MAST3: variants seen among roughly 807,000 people sequenced by gnomAD.
MAST3 encodes the protein microtubule-associated serine/threonine-protein kinase 3.
A neutral mutation model predicts 127.0 loss-of-function variants in MAST3; 43 were observed. The observed-to-expected ratio is 0.34, with a 90% CI of 0.27 to 0.44. The LOEUF is 0.44. Ranked by LOEUF, MAST3 falls within the 20% of genes least tolerant of loss-of-function variation. MAST3 has a pLI of 1.00. For synonymous variants in MAST3, 785 were observed against 809.2 expected (o/e 0.97, Z 0.51); for missense variants, 1,390 against 1,919.1 (o/e 0.72, Z 5.15).
In MAST3 at chr19:18,124,109, C is replaced by T. The variant is rs189142718; in HGVS notation, c.804C>T (p.Phe268=). ...AGAACCTCGTCACCTCCCGCTACTT[C>T]CTAGAGATGCAGGAGAAGCTGGAGC... ...SGENLVTSRY[F]LEMQEKLERL... The change falls in exon 9 of 28, where the codon TTC becomes TTT. Residue 268 remains phenylalanine (F), a synonymous_variant. Transcript: ENST00000687212. 2 of 1,611,792 alleles carry T rather than the reference C, an allele frequency of 1.2e-6. No individual in the cohort carries two copies. The highest frequency in any genetic ancestry group is 1.7e-6 in the Non-Finnish European group (2 of 1,179,084).
In MAST3 at chr19:18,147,008, C is replaced by T. The variant is rs751421866; in HGVS notation, c.3290C>T (p.Thr1097Ile). ...AGCAAGAGGAGCCGTCGGCGGGAGACCCAGGATCGGTGCGCGGCAGTGACC... is the reference window on the plus strand; with the variant it reads ...AGCAAGAGGAGCCGTCGGCGGGAGATCCAGGATCGGTGCGCGGCAGTGACC... ...RRSKRSRRRE[T>I]QDRCAAVTTR... The change falls in exon 26 of 28, where the codon ACC becomes ATC. Residue 1097 changes from threonine (T) to isoleucine (I), a missense_variant. This residue lies in a region of MAST3 where 816 missense variants were observed against 934.1 expected (regional missense o/e 0.87). Transcript: ENST00000687212. 1 of 1,575,500 alleles carries T rather than the reference C, an allele frequency of 6.3e-7. No homozygotes were observed. Among genetic ancestry groups the T allele is most frequent in the East Asian group, 2.3e-5 (1 of 43,192 alleles).
intron 20 of MAST3, 24 bp downstream of exon 20, chr19:18,139,148 C>A: frequency 6.7e-7 from 1 of 1,493,946 alleles, no homozygotes; most frequent in Non-Finnish European, 9.2e-7. Context: ...CCGAGGGGAG[C>A]CACTGCTCAG....
At chr19:18,107,443 G>A in intron 1 of MAST3, 144 bp from the exon 2 acceptor site, 2 of 858,804 alleles carry the variant, frequency 2.3e-6, no homozygotes, top group Non-Finnish European at 3.9e-6. Context: ...AAGGCCTTGA[G>A]GCAGGGCTGA....
In MAST3 at chr19:18,137,227, G is replaced by C. The variant is rs565985734; in HGVS notation, c.1973-12G>C. ...GTGAGGACCTGCAGGGCTCAGCGGG[G>C]CATATCTGCAGGTGGCACCCACGAA... On this transcript the variant is annotated splice_polypyrimidine_tract_variant and intron_variant, in intron 18 of 27. Coordinates refer to ENST00000687212, the MANE Select transcript of MAST3 (RefSeq NM_001393504.1). 1 of 1,608,980 alleles carries C rather than the reference G, an allele frequency of 6.2e-7. No homozygotes were observed. The highest frequency in any genetic ancestry group is 1.1e-5 in the South Asian group (1 of 90,408).
intron 17 of MAST3, among the ~76,000 whole-genome samples, 188 bp from the exon 18 acceptor site, chr19:18,135,552 G>A (rs148802080): frequency 6.6e-6 from 1 of 152,166 alleles, no homozygotes; most frequent in African/African-American, 2.4e-5. Flanking sequence ...AAAGAGAAAG[G>A]TGGCTCTGAG....
chr19:18,132,090 C>T, intron 15 of MAST3, 43 bp downstream of exon 15: 1 of 1,607,944 alleles, frequency 6.2e-7, no homozygotes, highest in Non-Finnish European at 8.5e-7. Flanking sequence ...GAGGGCGGGG[C>T]CAGAGAGGAT....
At chr19:18,132,128 C>CAA in intron 15 of MAST3, 81 bp downstream of exon 15, 3 of 1,566,082 alleles carry the variant, frequency 1.9e-6, no homozygotes, top group Non-Finnish European at 2.6e-6. Context: ...AGGATCAGGG[C>CAA]AGAGCCTCTG....
chr19:18,143,870 C>G lies in MAST3; in HGVS notation c.2447C>G (p.Pro816Arg). Residue 816 changes from proline to arginine, a missense_variant, in exon 22 of 28, where the codon CCC (proline) becomes CGC (arginine). Transcript: ENST00000687212. Reference protein sequence around the residue: ...LLNTISLDTMPKFAFSSEDEG... With the variant: ...LLNTISLDTMRKFAFSSEDEG... ...AATACCATCAGCCTGGACACAATGCCCAAGTTTGCCTTCTCATCAGAGGAT... is the reference window on the plus strand; with the variant it reads ...AATACCATCAGCCTGGACACAATGCGCAAGTTTGCCTTCTCATCAGAGGAT... The G allele has an allele frequency of 6.2e-7, 1 of 1,613,956 alleles. No individual in the cohort carries two copies. Among genetic ancestry groups the G allele is most frequent in the Non-Finnish European group, 8.5e-7 (1 of 1,179,900 alleles).
intron 1 of MAST3, 60 bp from the exon 2 acceptor site, chr19:18,107,527 G>A (rs921136054): frequency 1.5e-5 from 24 of 1,555,644 alleles, no homozygotes; most frequent in Admixed American, 6.7e-5. Flanking sequence ...GTGCATCAAC[G>A]GCCAGGGGTT....
intron 2 of MAST3, among the ~76,000 whole-genome samples, chr19:18,109,612 A>C (rs1001372479): frequency 6.6e-6 from 1 of 152,014 alleles, no homozygotes; most frequent in African/African-American, 2.4e-5. Flanking sequence ...AGAGGGAGGA[A>C]GGACAGAGCT....
chr19:18,145,280 C>CCGGT lies in MAST3; in HGVS notation c.3039+53_3039+56dup. The CCGGT allele has an allele frequency of 6.5e-7, 1 of 1,544,372 alleles. No homozygotes were observed. The highest frequency in any genetic ancestry group is 8.9e-7 in the Non-Finnish European group (1 of 1,118,984). ...GACCCGGGTTCTAGTTTGACTCTGC[C>CCGGT]CGGTCATGTCCCTTCTCAGAGCTGC... is the stretch of plus-strand genomic sequence containing the variant. On this transcript the variant is annotated intron_variant, in intron 24 of 27. Transcript: ENST00000687212. The surrounding 1 kb of genome is among the most constrained non-coding windows in gnomAD (Gnocchi z 5.9).
At chr19:18,121,188 T>C (rs932921629) in intron 3 of MAST3, among the ~76,000 whole-genome samples, 4 of 152,032 alleles carry the variant, frequency 2.6e-5, no homozygotes, top group African/African-American at 9.7e-5. Context: ...GAGGGCCTTG[T>C]GCTGTCACCT....
chr19:18,147,668 C>CT, intron 27 of MAST3, 44 bp downstream of exon 27: 1 of 1,392,856 alleles, frequency 7.2e-7, no homozygotes, highest in Non-Finnish European at 9.7e-7. Flanking sequence ...ACCCTGGGAG[C>CT]AAGGGCTGGT....
At chr19:18,129,865 C>T (rs2041062922) in intron 13 of MAST3, among the ~76,000 whole-genome samples, 2 of 145,828 alleles carry the variant, frequency 1.4e-5, no homozygotes, top group African/African-American at 5.1e-5. Flanking sequence ...GCAGAGGTTG[C>T]AGTGAGCCGA....
chr19:18,124,273 G>A lies in MAST3; in HGVS notation c.852G>A (p.Glu284=), dbSNP rs765439786. The change falls in exon 10 of 28, where the codon GAG becomes GAA. Residue 284 remains glutamate, a synonymous_variant. Coordinates refer to ENST00000687212, the MANE Select transcript of MAST3 (RefSeq NM_001393504.1). ...CGACCCACCTCCCCCAGGCCCATGA[G>A]CGTTCGGACAGTGAGGAGGTCAGCT... The part of the protein sequence containing the change: ...KLERLLQDAH[E]RSDSEEVSFI... 2.0e-5 allele frequency: 32 copies of A among 1,606,476 alleles called. No individual in the cohort carries two copies. Among genetic ancestry groups the A allele is most frequent in the Non-Finnish European group, 2.6e-5 (31 of 1,176,408 alleles).
intron 19 of MAST3, among the ~76,000 whole-genome samples, chr19:18,138,561 G>T (rs1246417883): frequency 6.6e-6 from 1 of 151,992 alleles, no homozygotes; most frequent in Non-Finnish European, 1.5e-5. Flanking sequence ...GCAGTGGTGC[G>T]ATTTCGACTC....
In MAST3 at chr19:18,150,676, C is replaced by T. The variant is rs993769894; in HGVS notation, c.*950C>T. The T allele has an allele frequency of 6.6e-6, 1 of 152,304 alleles. No homozygotes were observed. The highest frequency in any genetic ancestry group is 2.4e-5 in the African/African-American group (1 of 41,468). 9.4% of individuals were successfully genotyped at this position (152,304 alleles called of 1,614,324 possible). ...TCATAGCTGCCATGCCCAGGCAGTG[C>T]CTGCTCTATATATAGAGTCTGCCTC... On this transcript the variant is annotated 3_prime_UTR_variant, in exon 28 of 28. Transcript: ENST00000687212.
At chr19:18,124,548 A>G in intron 10 of MAST3, 94 bp from the exon 11 acceptor site, 2 of 1,469,480 alleles carry the variant, frequency 1.4e-6, no homozygotes, top group Non-Finnish European at 1.8e-6. Flanking sequence ...CCAGTGGGTG[A>G]GCTGGGAAGG....
In MAST3 at chr19:18,124,627, C is replaced by T. The variant is rs899576319; in HGVS notation, c.946-15C>T. The T allele has an allele frequency of 1.3e-6, 2 of 1,556,390 alleles. No homozygotes were observed. Among genetic ancestry groups the T allele is most frequent in the Non-Finnish European group, 1.7e-6 (2 of 1,152,608 alleles). ...GGAACCAAGCCCTGGGTGACCAGCC[C>T]TCCTGTGCCCCTAGGAGTTTGACCC... On this transcript the variant is annotated splice_polypyrimidine_tract_variant and intron_variant, in intron 10 of 27. Transcript: ENST00000687212.
Sources: allele counts gnomAD v4.1 joint callset (sites outside exome capture counted in the v4.1 genomes callset), GRCh38; gene constraint gnomAD v4.1.1; regional missense constraint gnomAD v4.1.1; non-coding constraint Gnocchi (gnomAD v3.1); transcripts MANE v1.5; gene names NCBI Gene and HGNC (gene_info 2026-07-23, HGNC 2026-07-21).